Variants in LYPLA1 observed in about 807,000 individuals in gnomAD.
The protein encoded by LYPLA1 is acyl-protein thioesterase 1.
A neutral mutation model predicts 34.0 loss-of-function variants in LYPLA1; 17 were observed. The observed-to-expected ratio is 0.50, with a 90% confidence interval of 0.34 to 0.75. LYPLA1 has a LOEUF of 0.75. Ranked by LOEUF, LYPLA1 falls within the 30% of genes least tolerant of loss-of-function variation. The pLI is 0.01. For missense variants in LYPLA1, 203 were observed against 288.8 expected (o/e 0.70, Z 2.15); for synonymous variants, 98 against 100.8 (o/e 0.97, Z 0.17).
At chr8:54,086,741 T>C (rs577269938) in intron 2 of LYPLA1, among the ~76,000 whole-genome samples, 1 of 152,102 alleles carries the variant, frequency 6.6e-6, no homozygotes, top group South Asian at 2.1e-4. Flanking sequence ...TGTGCACCTG[T>C]GGTCCCAGAT....
chr8:54,101,581 G>A, intron 1 of LYPLA1, 174 bp downstream of exon 1: 1 of 1,151,212 alleles, frequency 8.7e-7, no homozygotes, highest in Admixed American at 4.7e-5. Context: ...TGACCCCCCG[G>A]CTGCCCCCGC....
At chr8:54,070,790 G>A (rs1344684345) in intron 2 of LYPLA1, among the ~76,000 whole-genome samples, 1 of 152,166 alleles carries the variant, frequency 6.6e-6, no homozygotes, top group African/African-American at 2.4e-5. Flanking sequence ...ACAATGAGAA[G>A]GAAGTACTGA....
chr8:54,084,283 C>A (rs1191724379), intron 2 of LYPLA1, among the ~76,000 whole-genome samples: 1 of 148,484 alleles, frequency 6.7e-6, no homozygotes, highest in South Asian at 2.1e-4. Context: ...GAAATAAATG[C>A]AACAGAGGCC....
intron 2 of LYPLA1, among the ~76,000 whole-genome samples, chr8:54,081,724 GTT>G (rs1433935289): frequency 3.6e-5 from 5 of 138,586 alleles, no homozygotes; most frequent in Non-Finnish European, 4.7e-5. Flanking sequence ...CTTTCTTTTC[GTT>G]TTTTTTTTTT....
At chr8:54,045,965 G>A (rs2129318929), downstream of LYPLA1, among the ~76,000 whole-genome samples, 1 of 152,288 alleles carries the variant, frequency 6.6e-6, no homozygotes, top group South Asian at 2.1e-4. Flanking sequence ...GGAGGCTGAG[G>A]CAGGAGAATC....
chr8:54,078,886 C>CTT (rs749362463), intron 2 of LYPLA1, among the ~76,000 whole-genome samples: 6 of 148,450 alleles, frequency 4.0e-5, no homozygotes, highest in Admixed American at 6.7e-5. Context: ...CAACCCCCCC[C>CTT]CTTTTTTTTT....
intron 2 of LYPLA1, among the ~76,000 whole-genome samples, chr8:54,071,018 A>G (rs901520263): frequency 1.3e-5 from 2 of 152,222 alleles, no homozygotes; most frequent in African/African-American, 2.4e-5. Context: ...ATTATATGTC[A>G]ATAAAACTGG....
At chr8:54,087,068 T>C (rs1008278319) in intron 2 of LYPLA1, among the ~76,000 whole-genome samples, 1 of 152,092 alleles carries the variant, frequency 6.6e-6, no homozygotes, top group African/African-American at 2.4e-5. Context: ...GGCATCCAGA[T>C]AGGAAAGGAA....
At chr8:54,094,228 G>T (rs1268394923) in intron 2 of LYPLA1, among the ~76,000 whole-genome samples, 2 of 152,210 alleles carry the variant, frequency 1.3e-5, no homozygotes, top group Non-Finnish European at 2.9e-5. Context: ...ATACATCGGG[G>T]CTGGGGAGTA....
In LYPLA1 at chr8:54,063,960, A is replaced by T. The variant is rs1297713821; in HGVS notation, c.168-585T>A. ...AAGGAAAGAAAAATAAGCACACTCT[A>T]ACTACATCTCACCACTTTCCTCCTG... On this transcript the variant is annotated intron_variant, in intron 3 of 8. Transcript: ENST00000316963. Among the ~76,000 whole-genome samples the T allele has an allele frequency of 3.3e-5, 5 of 152,250 alleles. No homozygotes were observed. The East Asian group carries it at 9.6e-4, about 29-fold the overall frequency.
intron 4 of LYPLA1, 31 bp downstream of exon 4, chr8:54,063,295 ATG>A: frequency 1.6e-6 from 2 of 1,280,376 alleles, no homozygotes; most frequent in Non-Finnish European, 2.2e-6. Context: ...AAGTAATATA[ATG>A]TTCTTATTCA....
intron 2 of LYPLA1, among the ~76,000 whole-genome samples, chr8:54,077,603 C>T (rs1229302669): frequency 6.6e-6 from 1 of 152,102 alleles, no homozygotes; most frequent in Non-Finnish European, 1.5e-5. Context: ...ACAGACCAGC[C>T]TGGCCAACAT....
In LYPLA1 at chr8:54,059,520, G is replaced by A. The variant is rs1806447626; in HGVS notation, c.286+2734C>T. Among the ~76,000 whole-genome samples, 2 of 75,288 alleles carry A rather than the reference G, an allele frequency of 2.7e-5. 1 individual carries two copies. The highest frequency in any genetic ancestry group is 3.1e-4 in the Admixed American group (2 of 6,528). 49.4% of individuals were successfully genotyped at this position (75,288 alleles called of 152,430 possible). On this transcript the variant is annotated intron_variant, in intron 5 of 8. Transcript: ENST00000316963. ...GGGGTTTCACCTTGTTAGCCAGGAT[G>A]GTCTCGATCTCCTGACCTCATGATC...
intron 2 of LYPLA1, among the ~76,000 whole-genome samples, chr8:54,098,777 T>C (rs1399210447): frequency 2.0e-5 from 3 of 152,246 alleles, no homozygotes; most frequent in African/African-American, 7.2e-5. Context: ...CAAACCACAG[T>C]TAACCACGGG....
chr8:54,050,971 A>C (rs749973249), intron 8 of LYPLA1, 41 bp downstream of exon 8: 2 of 1,514,752 alleles, frequency 1.3e-6, no homozygotes, highest in Non-Finnish European at 8.9e-7. Flanking sequence ...ACATGAAAAA[A>C]GTTACAAATA....
chr8:54,083,772 C>T (rs183082491), intron 2 of LYPLA1, among the ~76,000 whole-genome samples: 66 of 152,154 alleles, frequency 4.3e-4, no homozygotes, highest in African/African-American at 1.3e-3. Flanking sequence ...CACGCAGCAG[C>T]GAAAATGCAT....
intron 5 of LYPLA1, among the ~76,000 whole-genome samples, chr8:54,060,333 C>T (rs1176539856): frequency 6.6e-6 from 1 of 152,132 alleles, no homozygotes; most frequent in Non-Finnish European, 1.5e-5. Flanking sequence ...CCATGTTGGT[C>T]AGCCTGATCT....
chr8:54,077,688 A>G (rs1176992663), intron 2 of LYPLA1, among the ~76,000 whole-genome samples: 1 of 152,214 alleles, frequency 6.6e-6, no homozygotes, highest in Non-Finnish European at 1.5e-5. Flanking sequence ...TAAAAGGAAT[A>G]GATTTATGAG....
At chr8:54,095,973 T>C (rs1015927658) in intron 2 of LYPLA1, among the ~76,000 whole-genome samples, 1 of 152,204 alleles carries the variant, frequency 6.6e-6, no homozygotes, top group Non-Finnish European at 1.5e-5. Flanking sequence ...GATCCTAGAC[T>C]GATAAAGGAC....
Sources: gnomAD v4.1 joint callset for allele counts (sites outside exome capture counted in the v4.1 genomes callset) on GRCh38, gnomAD v4.1.1 for gene constraint, MANE v1.5 for transcripts, NCBI Gene and HGNC (gene_info 2026-07-23, HGNC 2026-07-21) for gene names.